RNF152: variants seen among roughly 807,000 people sequenced by gnomAD.
RNF152 encodes the protein ring finger protein 152.
In RNF152, 11 loss-of-function variants were observed where a neutral mutation model predicts 12.7. The observed-to-expected ratio is 0.86, with a 90% confidence interval of 0.54 to 1.43. The LOEUF is 1.43. Ranked by LOEUF, RNF152 falls within the 40% of genes most tolerant of loss-of-function variation. RNF152 has a pLI of 0.00. For missense variants in RNF152, 255 were observed against 274.8 expected (o/e 0.93, Z 0.51); for synonymous variants, 113 against 120.3 (o/e 0.94, Z 0.40).
In RNF152 at chr18:61,815,699, TTG is replaced by T; in HGVS notation, c.*151_*152del. The stretch of plus-strand genomic sequence containing the variant: ...TTGTTGAGACCGCACCTTCTGCCCT[TTG>T]TGTCTGTCTTGGGGTAATCAAGAGG... On this transcript the variant is annotated 3_prime_UTR_variant, in exon 2 of 2. Transcript: ENST00000312828. The T allele has an allele frequency of 1.3e-6, 1 of 745,268 alleles. No individual in the cohort carries two copies. Among genetic ancestry groups the T allele is most frequent in the South Asian group, 1.8e-5 (1 of 54,698 alleles). 46.2% of individuals were successfully genotyped at this position (745,268 alleles called of 1,614,324 possible). A position where few individuals can be genotyped will look rare whatever the true frequency, so the allele number is the denominator to read the frequency against.
intron 1 of RNF152, among the ~76,000 whole-genome samples, chr18:61,870,455 A>C (rs73004405): frequency 0.17 from 25,411 of 152,076 alleles, 2,458 homozygotes; most frequent in African/African-American, 0.25. Context: ...AGAGGAGACC[A>C]CGCCTGTCAC....
intron 1 of RNF152, among the ~76,000 whole-genome samples, chr18:61,855,564 A>T (rs539881829): frequency 1.7e-3 from 255 of 152,364 alleles, no homozygotes; most frequent in Non-Finnish European, 3.1e-3. Flanking sequence ...AGCCACGTGC[A>T]GTGCATCTGG....
chr18:61,854,527 C>T (rs1377681277), intron 1 of RNF152, among the ~76,000 whole-genome samples: 1 of 152,188 alleles, frequency 6.6e-6, no homozygotes, highest in Non-Finnish European at 1.5e-5. Flanking sequence ...ATAGTTTCTT[C>T]CCCTCTTCCT....
chr18:61,867,101 T>C (rs1161111955), intron 1 of RNF152, among the ~76,000 whole-genome samples: 2 of 152,120 alleles, frequency 1.3e-5, no homozygotes, highest in African/African-American at 2.4e-5. Flanking sequence ...GAAGAAAGCC[T>C]GTGGCAGATT....
Position 61,810,272 on chromosome 18 carries a change from G to GGTGTGTGTGTGTGTGTGTGTGTGT in RNF152, c.*5579_*5580insACACACACACACACACACACACAC, listed in dbSNP as rs55794477. The GGTGTGTGTGTGTGTGTGTGTGTGT allele has an allele frequency of 6.6e-6, 1 of 150,550 alleles. No homozygotes were observed. Among genetic ancestry groups the GGTGTGTGTGTGTGTGTGTGTGTGT allele is most frequent in the African/African-American group, 2.4e-5 (1 of 41,014 alleles). The allele number at this position is 150,550 out of a possible 1,614,324, so 9.3% of individuals were successfully genotyped here. ...TTAACTCCAATTACAGCTAAATCGT[G>GGTGTGTGTGTGTGTGTGTGTGTGT]GTGTGTGTGTGTGTGTGTGTGTAGT... On this transcript the variant is annotated 3_prime_UTR_variant, in exon 2 of 2. Transcript: ENST00000312828.
Position 61,808,413 on chromosome 18 carries a change from G to T in RNF152, c.*7439C>A, listed in dbSNP as rs1401779739. On this transcript the variant is annotated 3_prime_UTR_variant, in exon 2 of 2. Coordinates refer to ENST00000312828, the MANE Select transcript of RNF152 (RefSeq NM_173557.3). ...AAAAAAAAAAAAAAAAAAAAAAAAA[G>T]CTCCTAAAATAAATAATCCACATAA... The T allele has an allele frequency of 1.7e-5, 1 of 58,984 alleles. No homozygotes were observed. The highest frequency in any genetic ancestry group is 6.7e-5 in the African/African-American group (1 of 15,004). The allele number at this position is 58,984 out of a possible 1,614,324, so 3.7% of individuals were successfully genotyped here.
At position 61,816,567 on chromosome 18, in the gene RNF152, C is replaced by T. The variant is rs913192807; in HGVS notation, c.-104G>A. 42 of 1,205,872 alleles carry T rather than the reference C, an allele frequency of 3.5e-5. No individual in the cohort carries two copies. In the African/African-American group the frequency reaches 4.9e-4, roughly 14 times the overall value. 74.7% of individuals were successfully genotyped at this position (1,205,872 alleles called of 1,614,324 possible). Reference sequence around the variant, plus strand: ...TGCAGTGCAGGTAATGGCAAGCTCACAGGCATCCAGTACTCACAGGTGTGT... The same window carrying T: ...TGCAGTGCAGGTAATGGCAAGCTCATAGGCATCCAGTACTCACAGGTGTGT... On this transcript the variant is annotated 5_prime_UTR_variant, in exon 2 of 2. The change creates a new upstream start codon in the 5' untranslated region. Transcript: ENST00000312828.
intron 1 of RNF152, among the ~76,000 whole-genome samples, chr18:61,884,049 C>G (rs775183539): frequency 6.6e-6 from 1 of 152,174 alleles, no homozygotes; most frequent in African/African-American, 2.4e-5. Context: ...GCCTATTCAT[C>G]CCGATATTTC....
intron 1 of RNF152, among the ~76,000 whole-genome samples, chr18:61,866,912 G>C (rs1267272264): frequency 6.6e-6 from 1 of 152,050 alleles, no homozygotes; most frequent in African/African-American, 2.4e-5. Context: ...AAAAAAAACA[G>C]ACTTAGGGGC....
intron 1 of RNF152, among the ~76,000 whole-genome samples, chr18:61,839,403 A>G (rs1479385878): frequency 1.3e-5 from 2 of 152,218 alleles, no homozygotes; most frequent in African/African-American, 2.4e-5. Context: ...TTCATAGAAC[A>G]TCCCTCAGTT....
intron 1 of RNF152, among the ~76,000 whole-genome samples, chr18:61,876,332 T>C (rs1329479414): frequency 1.3e-5 from 2 of 152,160 alleles, no homozygotes; most frequent in African/African-American, 2.4e-5. Flanking sequence ...AGCATCTTGG[T>C]ATAAAAATAA....
At position 61,810,224 on chromosome 18, in the gene RNF152, T is replaced by A. The variant is rs773980348; in HGVS notation, c.*5628A>T. The A allele has an allele frequency of 3.9e-5, 6 of 152,206 alleles. No homozygotes were observed. Among genetic ancestry groups the A allele is most frequent in the Non-Finnish European group, 8.8e-5 (6 of 68,038 alleles). 9.4% of individuals were successfully genotyped at this position (152,206 alleles called of 1,614,324 possible). ...TAACTCACAAATTGGAAAACATGAC[T>A]AATAACAGTTTTTTACTGAATTTTA... On this transcript the variant is annotated 3_prime_UTR_variant, in exon 2 of 2. Transcript: ENST00000312828.
chr18:61,883,130 C>T (rs537300530), intron 1 of RNF152, among the ~76,000 whole-genome samples: 1 of 152,172 alleles, frequency 6.6e-6, no homozygotes, highest in East Asian at 1.9e-4. Context: ...GGTTCAAAGC[C>T]CACAGTGTTC....
chr18:61,850,190 T>C (rs1251604567), intron 1 of RNF152, among the ~76,000 whole-genome samples: 5 of 152,258 alleles, frequency 3.3e-5, no homozygotes, highest in Non-Finnish European at 5.9e-5. Context: ...GGGCAAGTTA[T>C]CTAACCTTGT....
chr18:61,816,860 A>G (rs1481513657), intron 1 of RNF152, among the ~76,000 whole-genome samples: 6 of 152,220 alleles, frequency 3.9e-5, no homozygotes, highest in Admixed American at 1.3e-4. Context: ...ATGCATCTGT[A>G]TTTCATAAAG....
At chr18:61,858,396 A>C (rs1434759872) in intron 1 of RNF152, among the ~76,000 whole-genome samples, 1 of 151,126 alleles carries the variant, frequency 6.6e-6, no homozygotes, top group Non-Finnish European at 1.5e-5. Flanking sequence ...GATTCCTGCC[A>C]GCCCTTCCCT....
At position 61,827,807 on chromosome 18, in the gene RNF152, C is replaced by T. The variant is rs528585925; in HGVS notation, c.-135-11209G>A. Reference sequence around the variant, plus strand: ...GAGTCAGCTGTCAGTCTGCTCATTACTTCTGCTTTTTCTTACTTCCAGCTG... The same window carrying T: ...GAGTCAGCTGTCAGTCTGCTCATTATTTCTGCTTTTTCTTACTTCCAGCTG... On this transcript the variant is annotated intron_variant, in intron 1 of 1. Transcript: ENST00000312828. 4.5e-4 allele frequency among the ~76,000 whole-genome samples: 68 copies of T among 152,154 alleles called. 1 individual carries two copies. Among genetic ancestry groups the T allele is most frequent in the Non-Finnish European group, 9.1e-4 (62 of 68,018 alleles).
chr18:61,883,482 TG>T, intron 1 of RNF152, among the ~76,000 whole-genome samples: 1 of 152,340 alleles, frequency 6.6e-6, no homozygotes, highest in South Asian at 2.1e-4. Flanking sequence ...CTGCCCCGCT[TG>T]CTCCTCTCTT....
chr18:61,878,823 C>T (rs1189031390), intron 1 of RNF152, among the ~76,000 whole-genome samples: 1 of 152,154 alleles, frequency 6.6e-6, no homozygotes, highest in African/African-American at 2.4e-5. Context: ...CTAATCAACT[C>T]CTAAAGGCCC....
Sources: gnomAD v4.1 joint callset for allele counts (sites outside exome capture counted in the v4.1 genomes callset) on GRCh38, gnomAD v4.1.1 for gene constraint, MANE v1.5 for transcripts, NCBI Gene and HGNC (gene_info 2026-07-23, HGNC 2026-07-21) for gene names.